DENND3: variants seen among roughly 807,000 people sequenced by gnomAD.
DENND3 encodes the protein DENN domain-containing protein 3.
Under a neutral mutation model 135.1 loss-of-function variants are expected in DENND3, and 88 were observed. The ratio of observed to expected loss-of-function variants is 0.65; its 90% CI spans 0.55 to 0.78. DENND3 has a LOEUF of 0.78. Among genes scored for constraint, DENND3 ranks in the 30% least tolerant of loss-of-function variants. The pLI, the probability that DENND3 is intolerant of heterozygous loss-of-function variation, is 0.00. For synonymous variants in DENND3, 693 were observed against 712.3 expected, an observed-to-expected ratio of 0.97 and a Z score of 0.43; for missense variants, 1,392 against 1,688.4, an observed-to-expected ratio of 0.82 and a Z score of 3.08.
chr8:141,145,245 A>G (rs1204573367), intron 5 of DENND3, among the ~76,000 whole-genome samples: 1 of 152,208 alleles, frequency 6.6e-6, no homozygotes, highest in African/African-American at 2.4e-5. Context: ...AGATCTTTAG[A>G]CAGTAGCTCA....
intron 18 of DENND3, among the ~76,000 whole-genome samples, chr8:141,187,277 G>C (rs1335005588): frequency 6.7e-6 from 1 of 149,108 alleles, no homozygotes; most frequent in African/African-American, 2.5e-5. Context: ...TTTTTTGACA[G>C]GGTCCCTCTC....
At chr8:141,143,916 C>A in intron 4 of DENND3, 1 of 448,224 alleles carries the variant, frequency 2.2e-6, no homozygotes, top group South Asian at 3.4e-5. Context: ...AGAGCATGAC[C>A]AGGACTTCCC....
Position 141,168,537 on chromosome 8 carries a change from C to A in DENND3, c.2275+12C>A. On this transcript the variant is annotated intron_variant, in intron 13 of 22. Coordinates refer to ENST00000519811, the MANE Select transcript of DENND3 (RefSeq NM_001352890.3). The surrounding 1 kb of genome is among the most constrained non-coding windows in gnomAD (Gnocchi z 6.2). ...GGCCTTGACTGTAGGTAAGAGGAGG[C>A]CTGGCACCATCACAGATTTTATTAT... 1 of 1,591,048 alleles carries A rather than the reference C, an allele frequency of 6.3e-7. No individual in the cohort carries two copies. Among genetic ancestry groups the A allele is most frequent in the Non-Finnish European group, 8.6e-7 (1 of 1,166,012 alleles).
At chr8:141,189,272 T>C (rs1824364753) in intron 19 of DENND3, 126 bp downstream of exon 19, 2 of 1,301,992 alleles carry the variant, frequency 1.5e-6, no homozygotes, top group African/African-American at 1.5e-5. Flanking sequence ...GAAGTGGATC[T>C]AGAACGAGGA....
rs1272814700 is a variant in DENND3 at position 141,136,719 on chromosome 8, G to A, written c.313G>A (p.Ala105Thr). ...GAAGGGCCTCCCGGGGCCCCCCAGA[G>A]CGCCAGAGCCTGAGGATGTCGCCGT... ...QWKGLPGPPR[A>T]PEPEDVAVPG... Residue 105 changes from alanine (A) to threonine (T), a missense_variant, in exon 2 of 23, where the codon GCG becomes ACG. By Grantham distance (58) the Ala-to-Thr change is moderately conservative. Transcript: ENST00000519811. 1 of 1,610,842 alleles carries A rather than the reference G, an allele frequency of 6.2e-7. No homozygotes were observed. The highest frequency in any genetic ancestry group is 1.7e-5 in the Admixed American group (1 of 59,540).
intron 9 of DENND3, among the ~76,000 whole-genome samples, chr8:141,162,974 C>T (rs934081517): frequency 1.3e-5 from 2 of 152,210 alleles, no homozygotes; most frequent in Non-Finnish European, 2.9e-5. Context: ...GGCTGGCGGC[C>T]GAGCTGGTCA....
rs1823272409 is a variant in DENND3 at position 141,182,485 on chromosome 8, A to G, written c.2944+1631A>G. ...TACTTTGACCGTGGCATTTGAATAC[A>G]TGGTATTTTTAGGTCCCGGTTGGTT... On this transcript the variant is annotated intron_variant, in intron 17 of 22. Coordinates refer to ENST00000519811, the MANE Select transcript of DENND3 (RefSeq NM_001352890.3). The surrounding 1 kb of genome is among the most constrained non-coding windows in gnomAD (Gnocchi z 5.9). 1 of 985,210 alleles carries G rather than the reference A, an allele frequency of 1.0e-6. No homozygotes were observed. 61.0% of individuals were successfully genotyped at this position (985,210 alleles called of 1,614,324 possible).
At position 141,136,853 on chromosome 8, in the gene DENND3, T is replaced by A. The variant is rs915844190; in HGVS notation, c.385+62T>A. On this transcript the variant is annotated intron_variant, in intron 2 of 22. Transcript: ENST00000519811. ...GCTGCCGGCCACCCAGAGTGGTCTA[T>A]TCCCAGAAACCCACAGGCAGAGGGA... 6.1e-6 allele frequency: 9 copies of A among 1,463,628 alleles called. No homozygotes were observed. In the African/African-American group the frequency reaches 1.3e-4, roughly 21 times the overall value. The allele number at this position is 1,463,628 out of a possible 1,614,324, so 90.7% of individuals were successfully genotyped here.
At chr8:141,165,464 C>CTTT (rs761618969) in intron 11 of DENND3, among the ~76,000 whole-genome samples, 175 bp downstream of exon 11, 3 of 139,396 alleles carry the variant, frequency 2.2e-5, no homozygotes, top group African/African-American at 5.5e-5. Context: ...TCTACTTCTT[C>CTTT]TTTTTTTTTT....
Position 141,141,469 on chromosome 8 carries a change from G to A in DENND3, c.623+145G>A. 1.0e-6 allele frequency: 1 copy of A among 965,142 alleles called. No homozygotes were observed. The highest frequency in any genetic ancestry group is 1.5e-6 in the Non-Finnish European group (1 of 654,998). The allele number at this position is 965,142 out of a possible 1,614,324, so 59.8% of individuals were successfully genotyped here. A position where few individuals can be genotyped will look rare whatever the true frequency, so the allele number is the denominator to read the frequency against. ...TGAGCCGGGGGACCGGGCGCTGGGG[G>A]CAGTAGGAGGGGCAGTTCTCTGTGC... is the stretch of plus-strand genomic sequence containing the variant. On this transcript the variant is annotated intron_variant, in intron 4 of 22. Transcript: ENST00000519811. The surrounding 1 kb of genome is among the most constrained non-coding windows in gnomAD (Gnocchi z 5.3).
In DENND3 at chr8:141,166,400, C is replaced by T. The variant is rs573151206; in HGVS notation, c.1753+11C>T. ...GGGGCAGCAGCGCAGGTGAGGGCTG[C>T]CCCCCACTGTGGTGCTGTGTGTCGG... is the stretch of plus-strand genomic sequence containing the variant. On this transcript the variant is annotated intron_variant, in intron 12 of 22. Coordinates refer to ENST00000519811, the MANE Select transcript of DENND3 (RefSeq NM_001352890.3). This position sits in a 1 kb window ranked among gnomAD's most constrained non-coding sequence, Gnocchi z 4.3. 14 of 1,607,110 alleles carry T rather than the reference C, an allele frequency of 8.7e-6. No homozygotes were observed. The African/African-American group carries it at 1.2e-4, about 14-fold the overall frequency.
At chr8:141,183,344 C>G (rs753527201) in intron 17 of DENND3, among the ~76,000 whole-genome samples, 20 of 152,186 alleles carry the variant, frequency 1.3e-4, no homozygotes, top group Non-Finnish European at 2.5e-4. Flanking sequence ...CTCCTGGGCT[C>G]TAGCGATCCT....
intron 17 of DENND3, 78 bp from the exon 18 acceptor site, chr8:141,185,061 C>T: frequency 6.5e-7 from 1 of 1,544,556 alleles, no homozygotes; most frequent in South Asian, 1.2e-5. Flanking sequence ...CAGGAGGCAC[C>T]TGAGTAAGGG....
chr8:141,153,092 CTT>C (rs35650187), intron 7 of DENND3, among the ~76,000 whole-genome samples: 31 of 119,338 alleles, frequency 2.6e-4, no homozygotes, highest in South Asian at 2.6e-4. Flanking sequence ...CAATATCTTT[CTT>C]TTTTTTTTTT....
At chr8:141,165,846 G>C (rs139230085) in intron 11 of DENND3, among the ~76,000 whole-genome samples, 3 of 151,954 alleles carry the variant, frequency 2.0e-5, no homozygotes, top group Non-Finnish European at 4.4e-5. Context: ...CGTCTTCCTC[G>C]GTGCTGCTCT....
rs1055590609 is a variant in DENND3 at position 141,131,501 on chromosome 8, C to G, written c.102+2692C>G. The stretch of plus-strand genomic sequence containing the variant: ...GGCAGTTCGTGTCCTCTCTTTGCAC[C>G]GTGCAGTACAATAGCCACTGGCCAC... On this transcript the variant is annotated intron_variant, in intron 1 of 22. Coordinates refer to ENST00000519811, the MANE Select transcript of DENND3 (RefSeq NM_001352890.3). Among the ~76,000 whole-genome samples the G allele has an allele frequency of 7.9e-5, 12 of 152,286 alleles. No individual in the cohort carries two copies. In the East Asian group the frequency reaches 2.1e-3, roughly 27 times the overall value.
intron 16 of DENND3, among the ~76,000 whole-genome samples, chr8:141,178,449 A>G (rs939366636): frequency 3.9e-5 from 6 of 152,356 alleles, no homozygotes; most frequent in South Asian, 4.1e-4. Context: ...ATAGCATTGC[A>G]ATGTACACTG....
rs142035250 is a variant in DENND3 at position 141,194,379 on chromosome 8, G to A, written c.*146G>A. The A allele has an allele frequency of 2.1e-5, 20 of 959,888 alleles. No homozygotes were observed. The highest frequency in any genetic ancestry group is 5.3e-5 in the East Asian group (2 of 37,952). The allele number at this position is 959,888 out of a possible 1,614,324, so 59.5% of individuals were successfully genotyped here. On this transcript the variant is annotated 3_prime_UTR_variant, in exon 23 of 23. Transcript: ENST00000519811. Reference sequence around the variant, plus strand: ...GAGCCCACTTACCGTGTGGCCAGCCGCGAGACCCATGGCCACGCACCTTCT... The same window carrying A: ...GAGCCCACTTACCGTGTGGCCAGCCACGAGACCCATGGCCACGCACCTTCT...
intron 5 of DENND3, among the ~76,000 whole-genome samples, chr8:141,149,803 G>A (rs1488235844): frequency 6.6e-6 from 1 of 152,210 alleles, no homozygotes; most frequent in Non-Finnish European, 1.5e-5. Flanking sequence ...ATAACAAAAC[G>A]ATGTTATTCA....
Sources: allele counts gnomAD v4.1 joint callset (sites outside exome capture counted in the v4.1 genomes callset), GRCh38; gene constraint gnomAD v4.1.1; non-coding constraint Gnocchi (gnomAD v3.1); transcripts MANE v1.5; gene names NCBI Gene and HGNC (gene_info 2026-07-23, HGNC 2026-07-21).